RNF182: variants seen among roughly 807,000 people sequenced by gnomAD.
RNF182 encodes ring finger protein 182.
Under a neutral mutation model 14.4 loss-of-function variants are expected in RNF182, and 15 were observed. The observed-to-expected ratio is 1.04, with a 90% CI of 0.70 to 1.60. The LOEUF (loss-of-function observed/expected upper bound fraction) is 1.60. Among genes scored for constraint, RNF182 ranks in the 40% most tolerant of loss-of-function variants. The probability of loss-of-function intolerance (pLI) is 0.00; values close to 1 mark genes in which losing one functional copy is unlikely to be tolerated. For synonymous variants in RNF182, 128 were observed against 122.9 expected, an observed-to-expected ratio of 1.04 and a Z score of -0.27; for missense variants, 268 against 294.8, an observed-to-expected ratio of 0.91 and a Z score of 0.67.
At chr6:13,944,696 T>C (rs1759392211) in intron 1 of RNF182, among the ~76,000 whole-genome samples, 1 of 152,216 alleles carries the variant, frequency 6.6e-6, no homozygotes, top group African/African-American at 2.4e-5. Context: ...ATCTGTTATT[T>C]GTACTTAATC....
Position 13,979,292 on chromosome 6 carries a change from TA to T in RNF182, c.*1436del, listed in dbSNP as rs1408030496. Reference sequence around the variant, plus strand: ...TGTTCACAGAAACTAGGCAAAAATTTAAAAAAACATTCTAGTCTCTAAAACC... The same window carrying T: ...TGTTCACAGAAACTAGGCAAAAATTTAAAAAACATTCTAGTCTCTAAAACC... On this transcript the variant is annotated 3_prime_UTR_variant, in exon 3 of 3. Transcript: ENST00000488300. 2 of 166,370 alleles carry T rather than the reference TA, an allele frequency of 1.2e-5. No individual in the cohort carries two copies. Among genetic ancestry groups the T allele is most frequent in the Non-Finnish European group, 2.9e-5 (2 of 68,102 alleles). The allele number at this position is 166,370 out of a possible 1,614,324, so 10.3% of individuals were successfully genotyped here. A position where few individuals can be genotyped will look rare whatever the true frequency, so the allele number is the denominator to read the frequency against.
At chr6:13,961,355 A>G (rs2113630295) in intron 1 of RNF182, 1 of 152,326 alleles carries the variant, frequency 6.6e-6, no homozygotes. Context: ...CACCTAAATG[A>G]TTCCATTGAA....
rs70989897 is a variant in RNF182, at chr6:13,938,004, G to GTTTT, written c.-367+13001_-367+13004dup. Among the ~76,000 whole-genome samples, 251 of 79,588 alleles carry GTTTT rather than the reference G, an allele frequency of 3.2e-3. 3 individuals carry two copies. Among genetic ancestry groups the GTTTT allele is most frequent in the Non-Finnish European group, 3.7e-3 (170 of 45,686 alleles). The allele number at this position is 79,588 out of a possible 152,430, so 52.2% of individuals were successfully genotyped here. A position where few individuals can be genotyped will look rare whatever the true frequency, so the allele number is the denominator to read the frequency against. ...TAAAAAAGATTATCTTTTTCTTACT[G>GTTTT]TTTTTTTTTTTTTTTTTTTTTTTGA... On this transcript the variant is annotated intron_variant, in intron 1 of 2. Coordinates refer to ENST00000488300, the MANE Select transcript of RNF182 (RefSeq NM_152737.4).
At chr6:13,942,765 T>C (rs1759331459) in intron 1 of RNF182, among the ~76,000 whole-genome samples, 1 of 152,248 alleles carries the variant, frequency 6.6e-6, no homozygotes, top group Non-Finnish European at 1.5e-5. Context: ...TCTATTTGAC[T>C]CCTAAACTCT....
chr6:13,975,085 A>G (rs938554007), intron 2 of RNF182, among the ~76,000 whole-genome samples: 2 of 152,176 alleles, frequency 1.3e-5, no homozygotes, highest in Admixed American at 6.5e-5. Flanking sequence ...CAGGGAATGA[A>G]TGGGAGCTTT....
At chr6:13,935,155 T>C (rs559607532) in intron 1 of RNF182, among the ~76,000 whole-genome samples, 1 of 152,240 alleles carries the variant, frequency 6.6e-6, no homozygotes, top group Admixed American at 6.5e-5. Flanking sequence ...GGGGGCAAGA[T>C]TGGTAGCAGG....
chr6:13,939,184 A>G (rs1418029925), intron 1 of RNF182, among the ~76,000 whole-genome samples: 1 of 152,218 alleles, frequency 6.6e-6, no homozygotes, highest in Non-Finnish European at 1.5e-5. Flanking sequence ...CTTTTAGCCC[A>G]TTTTTAGTGT....
intron 1 of RNF182, among the ~76,000 whole-genome samples, chr6:13,959,739 G>A (rs931055849): frequency 1.3e-5 from 2 of 152,158 alleles, no homozygotes; most frequent in Admixed American, 6.5e-5. Flanking sequence ...ATTAAAATGG[G>A]GAAAACTGCA....
intron 1 of RNF182, among the ~76,000 whole-genome samples, chr6:13,932,125 C>T (rs940963006): frequency 6.6e-6 from 1 of 152,102 alleles, no homozygotes; most frequent in Non-Finnish European, 1.5e-5. Context: ...TTTGTTAGAG[C>T]AATCTGAGCA....
At chr6:13,946,474 ATTC>A (rs1759444994) in intron 1 of RNF182, among the ~76,000 whole-genome samples, 1 of 152,184 alleles carries the variant, frequency 6.6e-6, no homozygotes, top group African/African-American at 2.4e-5. Flanking sequence ...TGCAAAACTT[ATTC>A]TTAAACTAAG....
At chr6:13,970,695 A>T (rs181421963) in intron 1 of RNF182, among the ~76,000 whole-genome samples, 7 of 152,298 alleles carry the variant, frequency 4.6e-5, no homozygotes, top group Non-Finnish European at 7.4e-5. Flanking sequence ...ACTAATTTAT[A>T]TTCTTACCAC....
In RNF182 at chr6:13,937,443, A is replaced by G. The variant is rs1759160735; in HGVS notation, c.-367+12420A>G. Among the ~76,000 whole-genome samples the G allele has an allele frequency of 1.3e-5, 2 of 152,186 alleles. 1 individual carries two copies. The highest frequency in any genetic ancestry group is 4.1e-4 in the South Asian group (2 of 4,828). On this transcript the variant is annotated intron_variant, in intron 1 of 2. Coordinates refer to ENST00000488300, the MANE Select transcript of RNF182 (RefSeq NM_152737.4). ...TGTGTACTTTATGTGTGTGTGTATG[A>G]TAGCTTTCACCAACTATTTGGGATA... is the stretch of plus-strand genomic sequence containing the variant.
rs79305385 is a variant in RNF182, at chr6:13,930,470, T to C, written c.-367+5447T>C. ...TTATCCTCAACCTGGGCTCACCTGC[T>C]CTTTCCTAGGCTACCTCTTACATGT... On this transcript the variant is annotated intron_variant, in intron 1 of 2. Transcript: ENST00000488300. 3.3e-4 allele frequency among the ~76,000 whole-genome samples: 50 copies of C among 152,354 alleles called. No individual in the cohort carries two copies. The East Asian group carries it at 8.7e-3, about 26-fold the overall frequency.
At chr6:13,964,770 G>A (rs1178661426) in intron 1 of RNF182, among the ~76,000 whole-genome samples, 1 of 152,162 alleles carries the variant, frequency 6.6e-6, no homozygotes, top group Non-Finnish European at 1.5e-5. Flanking sequence ...GGGACTCCTG[G>A]GAGGAAAACT....
chr6:13,926,097 ATATT>A (rs1256416758), intron 1 of RNF182, among the ~76,000 whole-genome samples: 1 of 152,218 alleles, frequency 6.6e-6, no homozygotes, highest in Non-Finnish European at 1.5e-5. Flanking sequence ...GTTTTAAATC[ATATT>A]TAAACAATAT....
chr6:13,949,555 C>A, intron 1 of RNF182: 1 of 472,602 alleles, frequency 2.1e-6, no homozygotes, highest in African/African-American at 2.0e-5. Context: ...GCAGTAAAAC[C>A]CAGAGTGAAC....
At chr6:13,933,833 T>C (rs1311816491) in intron 1 of RNF182, among the ~76,000 whole-genome samples, 1 of 151,982 alleles carries the variant, frequency 6.6e-6, no homozygotes, top group Non-Finnish European at 1.5e-5. Flanking sequence ...ACCTGGCCAA[T>C]GTGGTGAAAC....
At chr6:13,937,987 A>AT (rs1249664902) in intron 1 of RNF182, among the ~76,000 whole-genome samples, 7 of 137,172 alleles carry the variant, frequency 5.1e-5, no homozygotes, top group Non-Finnish European at 9.5e-5. Flanking sequence ...ATTAAAAAAG[A>AT]TTATCTTTTT....
rs193046912 is a variant in RNF182 at position 13,962,287 on chromosome 6, G to A, written c.-366-11923G>A. ...AGACTCAAGCTCCATAAATAATGAGGTTAGGAACATCGGGTTTTGTGAATG... is the reference window on the plus strand; with the variant it reads ...AGACTCAAGCTCCATAAATAATGAGATTAGGAACATCGGGTTTTGTGAATG... On this transcript the variant is annotated intron_variant, in intron 1 of 2. Transcript: ENST00000488300. Among the ~76,000 whole-genome samples the A allele has an allele frequency of 1.9e-3, 288 of 152,272 alleles. 1 individual carries two copies. Among genetic ancestry groups the A allele is most frequent in the Non-Finnish European group, 3.3e-3 (222 of 68,030 alleles).
Sources: gnomAD v4.1 joint callset for allele counts (sites outside exome capture counted in the v4.1 genomes callset) on GRCh38, gnomAD v4.1.1 for gene constraint, MANE v1.5 for transcripts, NCBI Gene and HGNC (gene_info 2026-07-23, HGNC 2026-07-21) for gene names.